The following TRRAP variants were observed in gnomAD, a reference collection of about 807,000 sequenced individuals.
TRRAP encodes the protein transformation/transcription domain-associated protein.
Under a neutral mutation model 438.8 loss-of-function variants are expected in TRRAP, and 41 were observed. That is an observed-to-expected ratio of 0.09 (90% CI 0.07 to 0.12). TRRAP has a LOEUF of 0.12. TRRAP is among the 10% of genes least tolerant of loss of function. TRRAP has a pLI of 1.00. For missense variants in TRRAP, 3,122 were observed against 5,055.1 expected, an observed-to-expected ratio of 0.62 and a Z score of 11.60; for synonymous variants, 1,994 against 1,962.9, an observed-to-expected ratio of 1.02 and a Z score of -0.42.
chr7:98,890,936 G>A (rs1795939489), intron 4 of TRRAP, among the ~76,000 whole-genome samples: 1 of 151,158 alleles, frequency 6.6e-6, no homozygotes, highest in African/African-American at 2.4e-5. Context: ...GACTACTGGT[G>A]TGCGCCACAA....
At chr7:98,996,299 G>T (rs1793660529) in intron 67 of TRRAP, among the ~76,000 whole-genome samples, 1 of 152,256 alleles carries the variant, frequency 6.6e-6, no homozygotes, top group Non-Finnish European at 1.5e-5. Context: ...GGAACACGTT[G>T]CTTCTTACTC....
rs571713676 is a variant in TRRAP at position 98,881,395 on chromosome 7, A to C, written c.100+145A>C. The C allele has an allele frequency of 1.5e-4, 96 of 650,846 alleles. No homozygotes were observed. The African/African-American group carries it at 1.7e-3, about 12-fold the overall frequency. The allele number at this position is 650,846 out of a possible 1,614,324, so 40.3% of individuals were successfully genotyped here. A position where few individuals can be genotyped will look rare whatever the true frequency, so the allele number is the denominator to read the frequency against. The stretch of plus-strand genomic sequence containing the variant: ...TGGGACTAGCCTGGCCAACATGGTG[A>C]AACCACGTCTCTACTAAAATACAAA... On this transcript the variant is annotated intron_variant, in intron 2 of 72. Coordinates refer to ENST00000456197, the MANE Select transcript of TRRAP (RefSeq NM_001375524.1).
intron 12 of TRRAP, among the ~76,000 whole-genome samples, chr7:98,905,237 T>A (rs1286033416): frequency 1.3e-5 from 2 of 152,180 alleles, no homozygotes; most frequent in East Asian, 3.9e-4. Flanking sequence ...AGGGGCCTGC[T>A]TGTGGCTGTT....
chr7:98,927,329 C>G lies in TRRAP; in HGVS notation c.3138C>G (p.Ile1046Met). 6.2e-7 allele frequency: 1 copy of G among 1,614,206 alleles called. No homozygotes were observed. Among genetic ancestry groups the G allele is most frequent in the Non-Finnish European group, 8.5e-7 (1 of 1,180,034 alleles). ...CCCTGCCCTTTGTCGCCAGCTTGAT[C>G]CGCCACTATACGATGGTGGCAGTCG... The part of the protein sequence containing the change: ...PSALPFVASL[I>M]RHYTMVAVAQ... Residue 1046 changes from isoleucine (I) to methionine (M), a missense_variant, in exon 23 of 73, where the codon ATC becomes ATG. By Grantham distance (10) the Ile-to-Met change is conservative. Transcript: ENST00000456197.
rs782462855 is a variant in TRRAP, at chr7:98,910,091, C to G, written c.1386C>G (p.Tyr462Ter). ...FVLKFHTIARYQLSAIFKKCK... is the reference protein window; with the variant it reads ...FVLKFHTIAR ...TCAAATTCCACACAATTGCTCGGTACCAGCTCTCTGCCATTTTTAAGAAGT... is the reference window on the plus strand; with the variant it reads ...TCAAATTCCACACAATTGCTCGGTAGCAGCTCTCTGCCATTTTTAAGAAGT... Residue 462 changes from tyrosine (Y) to a stop codon, truncating the protein, a stop_gained, in exon 15 of 73, where the codon TAC becomes TAG. Coordinates refer to ENST00000456197, the MANE Select transcript of TRRAP (RefSeq NM_001375524.1). LOFTEE classifies it high-confidence loss of function. The G allele has an allele frequency of 6.3e-7, 1 of 1,580,732 alleles. No homozygotes were observed. The highest frequency in any genetic ancestry group is 1.2e-5 in the South Asian group (1 of 84,474).
chr7:98,988,623 C>A, intron 62 of TRRAP, 142 bp from the exon 63 acceptor site: 1 of 930,396 alleles, frequency 1.1e-6, no homozygotes, highest in Non-Finnish European at 1.6e-6. Context: ...GGGTTCAGAG[C>A]GACTGCTTAT....
intron 69 of TRRAP, among the ~76,000 whole-genome samples, chr7:99,008,073 T>C (rs1424949452): frequency 3.3e-5 from 5 of 151,452 alleles, no homozygotes; most frequent in Admixed American, 6.6e-5. Context: ...ATCCGCCCAC[T>C]GTGGCCTCCC....
In TRRAP at chr7:98,990,677, G is replaced by A. The variant is rs566275590; in HGVS notation, c.9756+58G>A. Reference sequence around the variant, plus strand: ...ACAAAACATTGTGTCTTCATTTTGCGTTCTTTTTTCTCCCAGAAAGTAAAT... The same window carrying A: ...ACAAAACATTGTGTCTTCATTTTGCATTCTTTTTTCTCCCAGAAAGTAAAT... On this transcript the variant is annotated intron_variant, in intron 64 of 72. Transcript: ENST00000456197. 184 of 1,530,092 alleles carry A rather than the reference G, an allele frequency of 1.2e-4. 1 individual carries two copies. In the African/African-American group the frequency reaches 2.2e-3, roughly 18 times the overall value. The allele number at this position is 1,530,092 out of a possible 1,614,324, so 94.8% of individuals were successfully genotyped here. A position where few individuals can be genotyped will look rare whatever the true frequency, so the allele number is the denominator to read the frequency against.
At chr7:98,967,217 GGCCA>G in intron 50 of TRRAP, 55 bp downstream of exon 50, 2 of 1,568,004 alleles carry the variant, frequency 1.3e-6, no homozygotes, top group Non-Finnish European at 1.7e-6. Context: ...TGTGCTCCCC[GGCCA>G]GCCAGCCATG....
Position 98,983,703 on chromosome 7 carries a change from G to A in TRRAP, c.9022+244G>A, listed in dbSNP as rs1005268052. The stretch of plus-strand genomic sequence containing the variant: ...ACATTTTTCTAGTTGGGGCAGAATC[G>A]TACAGGCCGGGGGGATCAATGCTCT... On this transcript the variant is annotated intron_variant, in intron 60 of 72. Coordinates refer to ENST00000456197, the MANE Select transcript of TRRAP (RefSeq NM_001375524.1). 2.0e-5 allele frequency among the ~76,000 whole-genome samples: 3 copies of A among 152,076 alleles called. No homozygotes were observed. In the East Asian group the frequency reaches 5.8e-4, roughly 29 times the overall value.
intron 39 of TRRAP, among the ~76,000 whole-genome samples, chr7:98,952,617 C>T (rs183230103): frequency 2.6e-5 from 4 of 152,212 alleles, no homozygotes; most frequent in East Asian, 3.9e-4. Context: ...AGGATGTGTC[C>T]GGGAGAGACA....
intron 58 of TRRAP, among the ~76,000 whole-genome samples, chr7:98,980,792 G>T (rs551804609): frequency 9.2e-5 from 14 of 152,348 alleles, no homozygotes; most frequent in African/African-American, 2.6e-4. Flanking sequence ...GGTGGCTCAC[G>T]CCTGTGATCC....
intron 69 of TRRAP, among the ~76,000 whole-genome samples, chr7:99,006,238 G>T (rs1794159932): frequency 6.6e-6 from 1 of 152,226 alleles, no homozygotes; most frequent in Non-Finnish European, 1.5e-5. Context: ...AATCCCTGAA[G>T]TCGGGAGCCC....
chr7:98,917,806 G>C, intron 20 of TRRAP, 127 bp downstream of exon 20: 1 of 1,287,836 alleles, frequency 7.8e-7, no homozygotes. Flanking sequence ...ATTCATCTTC[G>C]TGAGTCTTCT....
In TRRAP at chr7:98,908,382, T is replaced by C. The variant is rs782789852; in HGVS notation, c.1116-346T>C. Among the ~76,000 whole-genome samples the C allele has an allele frequency of 1.3e-4, 20 of 152,312 alleles. No homozygotes were observed. The highest frequency in any genetic ancestry group is 2.8e-4 in the Non-Finnish European group (19 of 68,026). On this transcript the variant is annotated intron_variant, in intron 13 of 72. Transcript: ENST00000456197. The surrounding 1 kb of genome is among the most constrained non-coding windows in gnomAD (Gnocchi z 4.1). ...TAAAGTGGTCATCATATATAAAGAT[T>C]GATTGACCCGTCCTATTTATTTTTG...
chr7:98,990,073 C>T (rs756691656), intron 63 of TRRAP, among the ~76,000 whole-genome samples: 9 of 152,054 alleles, frequency 5.9e-5, no homozygotes, highest in Non-Finnish European at 1.2e-4. Context: ...ACTAAAAATA[C>T]AAAAATTAGC....
In TRRAP at chr7:98,921,824, T is replaced by A. The variant is rs1554410613; in HGVS notation, c.2694T>A (p.Phe898Leu). The A allele has an allele frequency of 1.2e-6, 2 of 1,614,206 alleles. No homozygotes were observed. Among genetic ancestry groups the A allele is most frequent in the Admixed American group, 3.3e-5 (2 of 60,030 alleles). Residue 898 changes from phenylalanine to leucine, a missense_variant, in exon 21 of 73, where the codon TTT becomes TTA. By Grantham distance (22) the Phe-to-Leu change is conservative. Transcript: ENST00000456197. ...SHVAYRVLGKFGGSNRKMLKE... is the reference protein window; with the variant it reads ...SHVAYRVLGKLGGSNRKMLKE... The stretch of plus-strand genomic sequence containing the variant: ...TGGCCTACCGTGTGCTCGGTAAGTT[T>A]GGCGGCAGTAACAGGAAGATGCTGA...
intron 63 of TRRAP, among the ~76,000 whole-genome samples, chr7:98,990,178 A>G (rs1014255600): frequency 6.6e-6 from 1 of 152,222 alleles, no homozygotes; most frequent in Non-Finnish European, 1.5e-5. Context: ...CAGTGAGCCA[A>G]GATCGCACCA....
At chr7:98,909,016 TA>T in intron 14 of TRRAP, 54 bp downstream of exon 14, 5 of 1,348,752 alleles carry the variant, frequency 3.7e-6, no homozygotes, top group Admixed American at 5.1e-5. Context: ...TGTTTGTGGC[TA>T]AATTTTTTTT....
Sources: allele counts gnomAD v4.1 joint callset (sites outside exome capture counted in the v4.1 genomes callset), GRCh38; gene constraint gnomAD v4.1.1; non-coding constraint Gnocchi (gnomAD v3.1); transcripts MANE v1.5; gene names NCBI Gene and HGNC (gene_info 2026-07-23, HGNC 2026-07-21).